EDIL3: variants seen among roughly 807,000 people sequenced by gnomAD.
EDIL3 encodes the protein EGF-like repeat and discoidin I-like domain-containing protein 3.
A neutral mutation model predicts 67.4 loss-of-function variants in EDIL3; 37 were observed. The ratio of observed to expected loss-of-function variants is 0.55; its 90% CI spans 0.42 to 0.72. The LOEUF is 0.72. EDIL3 is among the 30% of genes least tolerant of loss of function. The pLI is 0.00. For synonymous variants in EDIL3, 195 were observed against 196.3 expected (o/e 0.99, Z 0.05); for missense variants, 527 against 586.3 (o/e 0.90, Z 1.04).
At chr5:84,132,574 AAT>A (rs1234021223) in intron 5 of EDIL3, among the ~76,000 whole-genome samples, 1 of 109,922 alleles carries the variant, frequency 9.1e-6, no homozygotes, top group African/African-American at 3.5e-5. Context: ...TTTAATATAT[AAT>A]ATATATTTTA....
chr5:84,221,764 G>A (rs183095246), intron 3 of EDIL3, among the ~76,000 whole-genome samples: 94 of 151,924 alleles, frequency 6.2e-4, no homozygotes, highest in Middle Eastern at 3.4e-3. Flanking sequence ...CCTGATTAAA[G>A]TATATTTATG....
chr5:84,075,970 A>T (rs1354953193), intron 6 of EDIL3, among the ~76,000 whole-genome samples: 2 of 143,316 alleles, frequency 1.4e-5, no homozygotes, highest in East Asian at 2.1e-4. Flanking sequence ...TATATATATA[A>T]ATATTTATCA....
chr5:84,279,912 C>T (rs1174990989), intron 1 of EDIL3, among the ~76,000 whole-genome samples: 2 of 152,096 alleles, frequency 1.3e-5, no homozygotes, highest in African/African-American at 4.8e-5. Context: ...GTACTTAATC[C>T]CTGGGGTCTC....
At chr5:84,207,384 T>A (rs938873613) in intron 3 of EDIL3, among the ~76,000 whole-genome samples, 5 of 152,000 alleles carry the variant, frequency 3.3e-5, no homozygotes, top group African/African-American at 9.7e-5. Flanking sequence ...CCACTGCTCA[T>A]TGAAATAAAA....
chr5:84,045,242 T>C (rs1746200673), intron 9 of EDIL3, among the ~76,000 whole-genome samples: 1 of 152,120 alleles, frequency 6.6e-6, no homozygotes, highest in Non-Finnish European at 1.5e-5. Context: ...TTATGGGAGC[T>C]ACAATTCAAG....
chr5:84,199,331 G>A (rs1359784019), intron 3 of EDIL3, among the ~76,000 whole-genome samples: 4 of 151,980 alleles, frequency 2.6e-5, no homozygotes, highest in African/African-American at 4.8e-5. Flanking sequence ...TACTTTGAAG[G>A]TTTAAACATC....
intron 1 of EDIL3, among the ~76,000 whole-genome samples, chr5:84,258,231 T>C (rs917854400): frequency 2.0e-5 from 3 of 152,150 alleles, no homozygotes; most frequent in African/African-American, 7.2e-5. Context: ...AACAAGTTTA[T>C]TGAGAAGTAA....
intron 9 of EDIL3, among the ~76,000 whole-genome samples, chr5:84,058,630 T>C (rs1280370676): frequency 6.6e-6 from 1 of 152,044 alleles, no homozygotes; most frequent in African/African-American, 2.4e-5. Flanking sequence ...AGGAAGATAA[T>C]TGGGAGAAGA....
At chr5:84,356,970 G>C (rs554765543) in intron 1 of EDIL3, among the ~76,000 whole-genome samples, 9 of 131,576 alleles carry the variant, frequency 6.8e-5, no homozygotes, top group African/African-American at 2.6e-4. Flanking sequence ...CCTTGCCCAG[G>C]CTGGAGTACA....
intron 3 of EDIL3, among the ~76,000 whole-genome samples, chr5:84,207,133 A>G (rs1423883243): frequency 6.6e-6 from 1 of 152,228 alleles, no homozygotes; most frequent in Non-Finnish European, 1.5e-5. Context: ...ACATGATTGT[A>G]TATCCAGAAA....
intron 3 of EDIL3, among the ~76,000 whole-genome samples, chr5:84,227,567 C>T (rs1744476342): frequency 6.6e-6 from 1 of 152,012 alleles, no homozygotes; most frequent in African/African-American, 2.4e-5. Flanking sequence ...TCCAGCAATC[C>T]CATTACTGGG....
chr5:83,979,944 G>A (rs1013647862), intron 9 of EDIL3, among the ~76,000 whole-genome samples: 1 of 152,084 alleles, frequency 6.6e-6, no homozygotes, highest in Non-Finnish European at 1.5e-5. Context: ...GAAATTTGAT[G>A]ACATCAATGT....
At chr5:84,088,079 A>T (rs1211170924) in intron 6 of EDIL3, among the ~76,000 whole-genome samples, 7 of 152,222 alleles carry the variant, frequency 4.6e-5, no homozygotes, top group Non-Finnish European at 1.0e-4. Context: ...AAATGTCCAC[A>T]GAATGAAGTA....
intron 6 of EDIL3, among the ~76,000 whole-genome samples, chr5:84,090,480 C>T (rs759131671): frequency 3.3e-4 from 50 of 152,196 alleles, no homozygotes; most frequent in African/African-American, 9.6e-4. Context: ...TATCAAAATT[C>T]GCTGGGGGTA....
chr5:84,176,233 TTGTA>T (rs1748911924), intron 4 of EDIL3, among the ~76,000 whole-genome samples: 2 of 138,434 alleles, frequency 1.4e-5, no homozygotes, highest in Admixed American at 1.5e-4. Flanking sequence ...ATATAATATA[TTGTA>T]TGTATAATAT....
chr5:83,953,100 T>G (rs764371900), intron 10 of EDIL3, among the ~76,000 whole-genome samples: 11 of 151,828 alleles, frequency 7.2e-5, no homozygotes, highest in Non-Finnish European at 1.3e-4. Context: ...GTCATTCTCC[T>G]TTATCCTCTC....
chr5:84,223,840 T>TAA (rs1744397202), intron 3 of EDIL3, among the ~76,000 whole-genome samples: 1 of 151,056 alleles, frequency 6.6e-6, no homozygotes, highest in Non-Finnish European at 1.5e-5. Flanking sequence ...TAGTAATCAT[T>TAA]TTACTATATA....
At chr5:84,117,689 C>A (rs914812921) in intron 5 of EDIL3, among the ~76,000 whole-genome samples, 13 of 150,770 alleles carry the variant, frequency 8.6e-5, no homozygotes, top group African/African-American at 3.2e-4. Flanking sequence ...ACCTGCTTAC[C>A]TTAAGCTTTT....
intron 6 of EDIL3, among the ~76,000 whole-genome samples, chr5:84,093,442 G>A (rs538247639): frequency 6.6e-6 from 1 of 152,224 alleles, no homozygotes; most frequent in South Asian, 2.1e-4. Flanking sequence ...GAAGATAAAA[G>A]GCAGGGCTTT....
Sources: gnomAD v4.1 joint callset for allele counts (sites outside exome capture counted in the v4.1 genomes callset) on GRCh38, gnomAD v4.1.1 for gene constraint, MANE v1.5 for transcripts, NCBI Gene and HGNC (gene_info 2026-07-23, HGNC 2026-07-21) for gene names.